CTNNA2: variants seen among roughly 807,000 people sequenced by gnomAD.
The protein encoded by CTNNA2 is catenin alpha 2, also known as catenin alpha-2.
A neutral mutation model predicts 101.0 loss-of-function variants in CTNNA2; 42 were observed. That is an observed-to-expected ratio of 0.42 (90% confidence interval 0.32 to 0.54). The LOEUF is 0.54. CTNNA2 is among the 20% of genes least tolerant of loss of function. The probability of loss-of-function intolerance (pLI) is 0.14; values close to 1 mark genes in which losing one functional copy is unlikely to be tolerated. For missense variants in CTNNA2, 871 were observed against 1,223.1 expected (o/e 0.71, Z 4.29); for synonymous variants, 450 against 456.4 (o/e 0.99, Z 0.18).
chr2:80,392,794 T>A (rs1409053551), intron 7 of CTNNA2, among the ~76,000 whole-genome samples: 1 of 152,250 alleles, frequency 6.6e-6, no homozygotes, highest in Non-Finnish European at 1.5e-5. Flanking sequence ...TCTGGTGATT[T>A]ACTTAAAATC....
intron 7 of CTNNA2, among the ~76,000 whole-genome samples, chr2:80,115,813 G>A (rs1701480950): frequency 6.6e-6 from 1 of 152,014 alleles, no homozygotes; most frequent in African/African-American, 2.4e-5. Context: ...AAAGATGAGG[G>A]CAATTATAAC....
intron 6 of CTNNA2, among the ~76,000 whole-genome samples, chr2:79,897,510 T>C (rs1684800019): frequency 6.6e-6 from 1 of 152,144 alleles, no homozygotes; most frequent in South Asian, 2.1e-4. Flanking sequence ...ATTGTTCAAA[T>C]CTCTTTACTT....
intron 1 of CTNNA2, among the ~76,000 whole-genome samples, chr2:79,606,658 A>G (rs189689235): frequency 3.3e-5 from 5 of 152,338 alleles, no homozygotes; most frequent in Admixed American, 6.5e-5. Context: ...GAATAAGTCC[A>G]TAAGAATAGA....
intron 7 of CTNNA2, among the ~76,000 whole-genome samples, chr2:80,043,175 TTCC>T: frequency 9.1e-6 from 1 of 109,810 alleles, no homozygotes; most frequent in Non-Finnish European, 1.8e-5. Context: ...CCTTCCTTCC[TTCC>T]TTCCTTTCTT....
chr2:80,085,146 A>G (rs1048049168), intron 7 of CTNNA2, among the ~76,000 whole-genome samples: 2 of 152,104 alleles, frequency 1.3e-5, no homozygotes, highest in Admixed American at 1.3e-4. Context: ...TTCAAATTTC[A>G]AAGTTTTGAT....
At chr2:79,699,827 ACACAC>A in intron 2 of CTNNA2, among the ~76,000 whole-genome samples, 1 of 130,836 alleles carries the variant, frequency 7.6e-6, no homozygotes, top group Admixed American at 8.1e-5. Context: ...ACACACACAC[ACACAC>A]GTGTGTGTAT....
At chr2:79,268,712 C>A in intron 2 of CTNNA2, among the ~76,000 whole-genome samples, 1 of 152,032 alleles carries the variant, frequency 6.6e-6, no homozygotes, top group Middle Eastern at 3.2e-3. Context: ...CTGGCTGGTG[C>A]CTACTACAGA....
chr2:79,294,867 T>A (rs1675937395), intron 2 of CTNNA2, among the ~76,000 whole-genome samples: 1 of 152,160 alleles, frequency 6.6e-6, no homozygotes, highest in African/African-American at 2.4e-5. Context: ...TCTTATCTGC[T>A]GATTGACATA....
chr2:79,654,632 A>G (rs1485923329), intron 2 of CTNNA2, among the ~76,000 whole-genome samples: 32 of 152,202 alleles, frequency 2.1e-4, no homozygotes, highest in Admixed American at 2.1e-3. Flanking sequence ...CCTTAACCTA[A>G]GCACATCTGC....
intron 2 of CTNNA2, among the ~76,000 whole-genome samples, chr2:79,291,428 A>T: frequency 6.6e-6 from 1 of 152,108 alleles, no homozygotes; most frequent in Non-Finnish European, 1.5e-5. Flanking sequence ...CTCCTTCCTC[A>T]CACCTGGGCC....
At chr2:80,559,870 T>C (rs1302793643) in intron 12 of CTNNA2, among the ~76,000 whole-genome samples, 1 of 116,068 alleles carries the variant, frequency 8.6e-6, no homozygotes, top group African/African-American at 3.4e-5. Flanking sequence ...CATTCAGCGA[T>C]ATCATATTTA....
chr2:79,505,346 C>G (rs1369770180), intron 5 of CTNNA2, among the ~76,000 whole-genome samples: 1 of 152,174 alleles, frequency 6.6e-6, no homozygotes, highest in East Asian at 1.9e-4. Flanking sequence ...GAACTGTCTA[C>G]AGTTGTTTAC....
intron 7 of CTNNA2, among the ~76,000 whole-genome samples, chr2:80,143,848 A>G (rs2148914841): frequency 6.6e-6 from 1 of 152,290 alleles, no homozygotes; most frequent in South Asian, 2.1e-4. Flanking sequence ...AAGTGTGACA[A>G]CTTACTTGTC....
rs576964904 is a variant in CTNNA2, at chr2:79,810,454, G to A, written c.299-47559G>A. On this transcript the variant is annotated intron_variant, in intron 3 of 18. Coordinates refer to ENST00000402739, the MANE Select transcript of CTNNA2 (RefSeq NM_001282597.3). The stretch of plus-strand genomic sequence containing the variant: ...CTCCCACAACATGAGATGAGATTTG[G>A]GTGGGGACACAGCCATACCATATCA... 6.1e-4 allele frequency among the ~76,000 whole-genome samples: 92 copies of A among 151,980 alleles called. No homozygotes were observed. In the South Asian group the frequency reaches 9.8e-3, roughly 16 times the overall value.
rs1209496438 is a variant in CTNNA2 at position 80,025,205 on chromosome 2, G to T, written c.1056+115408G>T. ...GTGGGTAGCGGGATGGGCCAGGGTG[G>T]TTTTGGAAATGGCAACATTTGGGTG... On this transcript the variant is annotated intron_variant, in intron 7 of 18. Transcript: ENST00000402739. 2.0e-5 allele frequency among the ~76,000 whole-genome samples: 3 copies of T among 152,178 alleles called. No individual in the cohort carries two copies. The East Asian group carries it at 5.8e-4, about 29-fold the overall frequency.
intron 2 of CTNNA2, among the ~76,000 whole-genome samples, chr2:79,711,202 T>A (rs1437170435): frequency 6.6e-6 from 1 of 152,334 alleles, no homozygotes; most frequent in South Asian, 2.1e-4. Flanking sequence ...CAACTGATAT[T>A]ATTTGATTTA....
intron 2 of CTNNA2, among the ~76,000 whole-genome samples, chr2:79,701,071 C>T (rs1316778573): frequency 6.6e-6 from 1 of 152,046 alleles, no homozygotes; most frequent in East Asian, 1.9e-4. Flanking sequence ...TTTTTAGAAT[C>T]CATGAGAATA....
chr2:80,147,054 C>T (rs770382522), intron 7 of CTNNA2, among the ~76,000 whole-genome samples: 7 of 151,828 alleles, frequency 4.6e-5, no homozygotes, highest in Non-Finnish European at 8.8e-5. Flanking sequence ...CAATCTCCGC[C>T]TCCTGGGTTC....
chr2:79,870,006 T>C (rs976224963), intron 5 of CTNNA2, 71 bp downstream of exon 5: 1 of 1,547,228 alleles, frequency 6.5e-7, no homozygotes, highest in Admixed American at 1.8e-5. Context: ...TTTTTAGGCC[T>C]GAACAATGGA....
Sources: allele counts gnomAD v4.1 joint callset (sites outside exome capture counted in the v4.1 genomes callset), GRCh38; gene constraint gnomAD v4.1.1; transcripts MANE v1.5; gene names NCBI Gene and HGNC (gene_info 2026-07-23, HGNC 2026-07-21).